Variants in SMOC2 observed in about 807,000 individuals in gnomAD.
SMOC2 encodes SPARC related modular calcium binding 2, also known as SPARC-related modular calcium-binding protein 2.
In SMOC2, 39 loss-of-function variants were observed where a neutral mutation model predicts 61.4. That is an observed-to-expected ratio of 0.64 (90% CI 0.49 to 0.83). The LOEUF is 0.83. Among genes scored for constraint, SMOC2 ranks in the 40% least tolerant of loss-of-function variants. The pLI is 0.00. For synonymous variants in SMOC2, 247 were observed against 239.9 expected (o/e 1.03, Z -0.27); for missense variants, 556 against 592.9 (o/e 0.94, Z 0.65).
intron 7 of SMOC2, among the ~76,000 whole-genome samples, chr6:168,580,671 A>T (rs1272308963): frequency 6.6e-6 from 1 of 152,132 alleles, no homozygotes; most frequent in African/African-American, 2.4e-5. Context: ...CCTCCTGAGT[A>T]GCTGGGACTG....
chr6:168,566,103 C>G (rs867798948), intron 7 of SMOC2, among the ~76,000 whole-genome samples: 2 of 152,150 alleles, frequency 1.3e-5, no homozygotes, highest in African/African-American at 2.4e-5. Context: ...AAGAAAAAAT[C>G]CACGTCTTTT....
intron 1 of SMOC2, among the ~76,000 whole-genome samples, chr6:168,441,858 C>G (rs1159721979): frequency 1.3e-5 from 2 of 152,106 alleles, no homozygotes; most frequent in Non-Finnish European, 2.9e-5. Context: ...TGTGGGGAAC[C>G]AGGTCTGGGA....
At chr6:168,563,254 C>T (rs1468690615) in intron 7 of SMOC2, among the ~76,000 whole-genome samples, 1 of 152,112 alleles carries the variant, frequency 6.6e-6, no homozygotes, top group Non-Finnish European at 1.5e-5. Context: ...TGCATTCATA[C>T]ACAATATCGA....
In SMOC2 at chr6:168,544,303, C is replaced by G. The variant is rs1783943403; in HGVS notation, c.511+631C>G. ...ATTTCTGCTTTTCTCTTACATCAGC[C>G]TTTAAAGTCAGACGTTGTTTTCAAG... On this transcript the variant is annotated intron_variant, in intron 5 of 12. Transcript: ENST00000356284. This position sits in a 1 kb window ranked among gnomAD's most constrained non-coding sequence, Gnocchi z 4.1. 6.6e-6 allele frequency among the ~76,000 whole-genome samples: 1 copy of G among 152,144 alleles called. No individual in the cohort carries two copies. Among genetic ancestry groups the G allele is most frequent in the Non-Finnish European group, 1.5e-5 (1 of 68,022 alleles).
At chr6:168,616,810 G>A (rs1040860331) in intron 9 of SMOC2, among the ~76,000 whole-genome samples, 6 of 152,174 alleles carry the variant, frequency 3.9e-5, no homozygotes, top group African/African-American at 1.4e-4. Context: ...GGGACAAGGG[G>A]TGCCGAGGAG....
intron 7 of SMOC2, among the ~76,000 whole-genome samples, chr6:168,551,411 A>G (rs1434089490): frequency 6.6e-6 from 1 of 151,080 alleles, no homozygotes; most frequent in African/African-American, 2.4e-5. Flanking sequence ...ATTTTACTGG[A>G]AATATACTTT....
At chr6:168,657,017 A>T (rs747916958) in intron 11 of SMOC2, among the ~76,000 whole-genome samples, 13 of 152,208 alleles carry the variant, frequency 8.5e-5, no homozygotes, top group Non-Finnish European at 1.6e-4. Context: ...CTCTTTGGCA[A>T]GTGTGGGAGG....
chr6:168,641,004 G>A (rs1209973427), intron 9 of SMOC2, among the ~76,000 whole-genome samples: 2 of 152,130 alleles, frequency 1.3e-5, no homozygotes. Flanking sequence ...TCCTAAGAAC[G>A]ACTTAGTTCT....
chr6:168,552,039 C>T lies in SMOC2; in HGVS notation c.637+2836C>T, dbSNP rs140387814. The stretch of plus-strand genomic sequence containing the variant: ...TAAGTCAGCCGAGATGAGTGGAGCA[C>T]GAAAAGATGGCATTGAGTTGATTTA... On this transcript the variant is annotated intron_variant, in intron 7 of 12. Coordinates refer to ENST00000356284, the MANE Select transcript of SMOC2 (RefSeq NM_001166412.2). Among the ~76,000 whole-genome samples the T allele has an allele frequency of 7.9e-5, 12 of 152,244 alleles. No individual in the cohort carries two copies. The East Asian group carries it at 1.2e-3, about 15-fold the overall frequency.
At chr6:168,597,226 A>G (rs938772028) in intron 7 of SMOC2, among the ~76,000 whole-genome samples, 11 of 152,260 alleles carry the variant, frequency 7.2e-5, no homozygotes, top group African/African-American at 2.4e-4. Flanking sequence ...AAAATCTAAT[A>G]GCAACATTTG....
chr6:168,463,510 AT>A (rs1349660385), intron 1 of SMOC2, among the ~76,000 whole-genome samples: 1 of 152,198 alleles, frequency 6.6e-6, no homozygotes, highest in East Asian at 1.9e-4. Context: ...ATTTAAGGGA[AT>A]TTGATAATCA....
chr6:168,477,851 A>G (rs1386653504), intron 1 of SMOC2, among the ~76,000 whole-genome samples: 5 of 152,192 alleles, frequency 3.3e-5, no homozygotes, highest in African/African-American at 9.6e-5. Context: ...ACAATTCTGC[A>G]GCACTGCGTA....
At chr6:168,486,056 G>A (rs1395709942) in intron 1 of SMOC2, among the ~76,000 whole-genome samples, 4 of 152,222 alleles carry the variant, frequency 2.6e-5, no homozygotes, top group South Asian at 2.1e-4. Context: ...TGTACCGTTC[G>A]TACGGTTCCT....
At chr6:168,644,949 A>G (rs1786985664) in intron 9 of SMOC2, among the ~76,000 whole-genome samples, 1 of 152,174 alleles carries the variant, frequency 6.6e-6, no homozygotes, top group East Asian at 1.9e-4. Flanking sequence ...CAGACCCACA[A>G]GTGAATGCCT....
intron 8 of SMOC2, among the ~76,000 whole-genome samples, chr6:168,600,622 G>T (rs1406129033): frequency 2.0e-5 from 3 of 152,134 alleles, no homozygotes; most frequent in African/African-American, 7.2e-5. Flanking sequence ...TGCCAGGGTG[G>T]AAACGTGGAC....
At chr6:168,647,989 G>T (rs377743182) in intron 9 of SMOC2, among the ~76,000 whole-genome samples, 1 of 151,966 alleles carries the variant, frequency 6.6e-6, no homozygotes, top group African/African-American at 2.4e-5. Flanking sequence ...GTCATGTTTC[G>T]TGATGAACAT....
At position 168,535,938 on chromosome 6, in the gene SMOC2, G is replaced by A. The variant is rs1783721158; in HGVS notation, c.464-7687G>A. On this transcript the variant is annotated intron_variant, in intron 4 of 12. Transcript: ENST00000356284. This position sits in a 1 kb window ranked among gnomAD's most constrained non-coding sequence, Gnocchi z 4.6. ...TGACAGGGATCCTGGGGACACGTGA[G>A]GAATAACGCAGCAGCCATGCAGCTT... is the stretch of plus-strand genomic sequence containing the variant. Among the ~76,000 whole-genome samples, 1 of 152,216 alleles carries A rather than the reference G, an allele frequency of 6.6e-6. No individual in the cohort carries two copies. The highest frequency in any genetic ancestry group is 1.5e-5 in the Non-Finnish European group (1 of 68,038).
chr6:168,574,175 G>A (rs1045271741), intron 7 of SMOC2, among the ~76,000 whole-genome samples: 1 of 152,268 alleles, frequency 6.6e-6, no homozygotes, highest in Non-Finnish European at 1.5e-5. Flanking sequence ...AGCAGTGCAT[G>A]GGCACCTGTC....
chr6:168,630,432 T>G (rs1227458307), intron 9 of SMOC2, among the ~76,000 whole-genome samples: 1 of 152,236 alleles, frequency 6.6e-6, no homozygotes, highest in Non-Finnish European at 1.5e-5. Context: ...GCAATACTCT[T>G]GTGATTGCCT....
Sources: allele counts gnomAD v4.1 joint callset (sites outside exome capture counted in the v4.1 genomes callset), GRCh38; gene constraint gnomAD v4.1.1; non-coding constraint Gnocchi (gnomAD v3.1); transcripts MANE v1.5; gene names NCBI Gene and HGNC (gene_info 2026-07-23, HGNC 2026-07-21).